The following MPDZ variants were observed in gnomAD, a reference collection of about 807,000 sequenced individuals.
MPDZ encodes multiple PDZ domain protein.
MPDZ carries 234 observed loss-of-function variants against 239.1 expected under a neutral mutation model. The observed-to-expected ratio is 0.98, with a 90% confidence interval of 0.88 to 1.09. The LOEUF (loss-of-function observed/expected upper bound fraction) is 1.09, where lower values mean the gene tolerates loss of function less well. MPDZ is among the 50% of genes least tolerant of loss of function. The pLI, the probability that MPDZ is intolerant of heterozygous loss-of-function variation, is 0.00. For missense variants in MPDZ, 3,175 were observed against 2,510.0 expected (o/e 1.26, Z -5.66); for synonymous variants, 1,048 against 881.3 (o/e 1.19, Z -3.35).
chr9:13,131,265 C>T (rs1404230145), intron 32 of MPDZ, among the ~76,000 whole-genome samples: 1 of 152,036 alleles, frequency 6.6e-6, no homozygotes, highest in Non-Finnish European at 1.5e-5. Flanking sequence ...ACAATGGCTT[C>T]CTCAAGAGAT....
At chr9:13,218,532 TC>T (rs1162310384) in intron 8 of MPDZ, among the ~76,000 whole-genome samples, 2 of 151,936 alleles carry the variant, frequency 1.3e-5, no homozygotes, top group East Asian at 3.9e-4. Context: ...AAACAAGCAT[TC>T]TTTACTTCTT....
At chr9:13,253,225 TAA>T (rs370161594) in intron 1 of MPDZ, among the ~76,000 whole-genome samples, 1 of 143,790 alleles carries the variant, frequency 7.0e-6, no homozygotes, top group African/African-American at 2.5e-5. Flanking sequence ...ACACAAAGGT[TAA>T]AAAAAAAAAA....
At chr9:13,232,813 A>ACT (rs1962884846) in intron 3 of MPDZ, among the ~76,000 whole-genome samples, 1 of 151,188 alleles carries the variant, frequency 6.6e-6, no homozygotes, top group Non-Finnish European at 1.5e-5. Context: ...AATATAAAGA[A>ACT]CTCTTGTAAA....
chr9:13,186,459 A>G (rs2134689392), intron 17 of MPDZ, 73 bp from the exon 18 acceptor site: 2 of 1,070,674 alleles, frequency 1.9e-6, no homozygotes, highest in South Asian at 1.4e-5. Context: ...AAAGAAGAGT[A>G]AAGGTAGGAA....
intron 25 of MPDZ, among the ~76,000 whole-genome samples, 187 bp from the exon 26 acceptor site, chr9:13,147,845 T>A (rs1259676642): frequency 3.9e-5 from 6 of 152,074 alleles, no homozygotes; most frequent in Non-Finnish European, 8.8e-5. Flanking sequence ...GTCCCTTGCT[T>A]TGGACACATA....
At chr9:13,131,191 G>C (rs1160283894) in intron 32 of MPDZ, among the ~76,000 whole-genome samples, 1 of 152,100 alleles carries the variant, frequency 6.6e-6, no homozygotes, top group Non-Finnish European at 1.5e-5. Context: ...TACTCCCAGA[G>C]CCATGTAATA....
intron 12 of MPDZ, among the ~76,000 whole-genome samples, chr9:13,204,160 A>G (rs1956730345): frequency 6.6e-6 from 1 of 152,186 alleles, no homozygotes; most frequent in African/African-American, 2.4e-5. Context: ...ACATGAAGGG[A>G]GGGAGATCAG....
At chr9:13,195,048 G>C (rs1391333123) in intron 13 of MPDZ, among the ~76,000 whole-genome samples, 1 of 151,788 alleles carries the variant, frequency 6.6e-6, no homozygotes, top group Non-Finnish European at 1.5e-5. Flanking sequence ...AGCAATTTGG[G>C]AGGCTGAGGC....
At position 13,223,641 on chromosome 9, in the gene MPDZ, G is replaced by T. The variant is rs755600389; in HGVS notation, c.463C>A (p.Leu155Ile). 2 of 1,612,320 alleles carry T rather than the reference G, an allele frequency of 1.2e-6. No individual in the cohort carries two copies. The highest frequency in any genetic ancestry group is 1.7e-5 in the Admixed American group (1 of 59,786). ...AGCTCTCCTCTGTTTTCACTTCTTA[G>T]TCCCACAACACTAAACCCAAGGCCT... ...SGGLGFSVVG[L>I]RSENRGELGI... Residue 155 changes from leucine to isoleucine, a missense_variant, in exon 5 of 47, where the codon CTA becomes ATA. Transcript: ENST00000319217.
intron 23 of MPDZ, among the ~76,000 whole-genome samples, 158 bp downstream of exon 23, chr9:13,162,533 C>T (rs1950604103): frequency 6.6e-6 from 1 of 151,568 alleles, no homozygotes; most frequent in Non-Finnish European, 1.5e-5. Context: ...ATAATAATTA[C>T]TTATATAATT....
chr9:13,129,441 C>A (rs908623376), intron 32 of MPDZ, among the ~76,000 whole-genome samples: 2 of 150,832 alleles, frequency 1.3e-5, no homozygotes, highest in Non-Finnish European at 2.9e-5. Context: ...CCAGCCTGGG[C>A]AACAGAGTGA....
chr9:13,190,937 A>C (rs1412106), intron 15 of MPDZ, among the ~76,000 whole-genome samples: 8 of 152,236 alleles, frequency 5.3e-5, no homozygotes, highest in Non-Finnish European at 1.0e-4. Flanking sequence ...GAAGTAACAT[A>C]TATAAAGCAT....
chr9:13,161,554 C>G (rs1300121854), intron 23 of MPDZ, among the ~76,000 whole-genome samples: 2 of 151,922 alleles, frequency 1.3e-5, no homozygotes, highest in Admixed American at 1.3e-4. Flanking sequence ...GCCTGGGCAA[C>G]AAGAGTGAAA....
At chr9:13,251,862 G>A (rs1588126139) in intron 1 of MPDZ, among the ~76,000 whole-genome samples, 1 of 152,100 alleles carries the variant, frequency 6.6e-6, no homozygotes, top group Non-Finnish European at 1.5e-5. Flanking sequence ...GTTTTAAAAA[G>A]TGCCTTTGTG....
At chr9:13,162,597 C>T in intron 23 of MPDZ, 94 bp downstream of exon 23, 2 of 606,730 alleles carry the variant, frequency 3.3e-6, no homozygotes. Flanking sequence ...AGGATTCAGA[C>T]CTTTTCTTTG....
At chr9:13,231,096 A>G (rs1472422086) in intron 3 of MPDZ, among the ~76,000 whole-genome samples, 1 of 152,212 alleles carries the variant, frequency 6.6e-6, no homozygotes, top group Non-Finnish European at 1.5e-5. Context: ...GATGAGAGTA[A>G]TAAAACTGAT....
rs1554691393 is a variant in MPDZ, at chr9:13,198,737, C to CTGTGTGTG, written c.1547-2515_1547-2508dup. Among the ~76,000 whole-genome samples the CTGTGTGTG allele has an allele frequency of 8.7e-4, 61 of 69,768 alleles. 1 individual carries two copies. The highest frequency in any genetic ancestry group is 2.2e-3 in the African/African-American group (39 of 18,130). 45.8% of individuals were successfully genotyped at this position (69,768 alleles called of 152,430 possible). On this transcript the variant is annotated intron_variant, in intron 12 of 46. Transcript: ENST00000319217. The stretch of plus-strand genomic sequence containing the variant: ...ATATTTAGGTCTTTAATCTCTCTCT[C>CTGTGTGTG]TGTGTGTGTGTGTGTGTGTGTGTGT...
At chr9:13,136,975 G>C (rs994678716) in intron 29 of MPDZ, among the ~76,000 whole-genome samples, 172 bp from the exon 30 acceptor site, 1 of 152,068 alleles carries the variant, frequency 6.6e-6, no homozygotes, top group Non-Finnish European at 1.5e-5. Flanking sequence ...GGTGAATAAA[G>C]AATAGCTCAT....
chr9:13,267,463 T>C (rs1406520491), intron 1 of MPDZ, among the ~76,000 whole-genome samples: 1 of 152,196 alleles, frequency 6.6e-6, no homozygotes, highest in African/African-American at 2.4e-5. Context: ...GTCTTACCTA[T>C]GCTGTAAAGT....
Sources: allele counts gnomAD v4.1 joint callset (sites outside exome capture counted in the v4.1 genomes callset), GRCh38; gene constraint gnomAD v4.1.1; transcripts MANE v1.5; gene names NCBI Gene and HGNC (gene_info 2026-07-23, HGNC 2026-07-21).